CCPG1: variants seen among roughly 807,000 people sequenced by gnomAD.
The protein encoded by CCPG1 is cell cycle progression 1, also known as cell cycle progression protein 1.
A neutral mutation model predicts 81.3 loss-of-function variants in CCPG1; 46 were observed. The observed-to-expected ratio is 0.57, with a 90% CI of 0.45 to 0.72. The LOEUF is 0.72. Among genes scored for constraint, CCPG1 ranks in the 30% least tolerant of loss-of-function variants. The pLI is 0.00. For synonymous variants in CCPG1, 330 were observed against 305.2 expected, an observed-to-expected ratio of 1.08 and a Z score of -0.85; for missense variants, 902 against 937.6, an observed-to-expected ratio of 0.96 and a Z score of 0.50.
chr15:55,387,385 G>T (rs553867607), intron 2 of CCPG1, among the ~76,000 whole-genome samples: 1 of 152,210 alleles, frequency 6.6e-6, no homozygotes, highest in African/African-American at 2.4e-5. Context: ...AAAAGTCACT[G>T]AAGATTTTAA....
At chr15:55,405,590 G>T (rs2057203050) in intron 1 of CCPG1, among the ~76,000 whole-genome samples, 1 of 152,070 alleles carries the variant, frequency 6.6e-6, no homozygotes, top group South Asian at 2.1e-4. Context: ...TGTGCCTGTA[G>T]CCCCAGCTAT....
At position 55,359,871 on chromosome 15, in the gene CCPG1, A is replaced by G. The variant is rs1475708601; in HGVS notation, c.1902T>C (p.Asp634=). 1 of 1,613,856 alleles carries G rather than the reference A, an allele frequency of 6.2e-7. No individual in the cohort carries two copies. Among genetic ancestry groups the G allele is most frequent in the East Asian group, 2.2e-5 (1 of 44,854 alleles). ...SFRKACSGVF[D]CAQQESMSLF... is the part of the protein sequence containing the mutation. ...GGCTCATGGACTCTTGTTGAGCACA[A>G]TCAAATACACCAGAACAAGCCTTTC... Residue 634 remains aspartate, a synonymous_variant, in exon 8 of 9, where the codon GAT becomes GAC. Coordinates refer to ENST00000442196, the MANE Select transcript of CCPG1 (RefSeq NM_001204450.2).
chr15:55,401,951 C>T (rs1349357182), intron 1 of CCPG1, among the ~76,000 whole-genome samples: 1 of 152,102 alleles, frequency 6.6e-6, no homozygotes, highest in African/African-American at 2.4e-5. Context: ...AATGGACAAC[C>T]CTAACTCCAT....
chr15:55,359,799 C>T lies in CCPG1; in HGVS notation c.1974G>A (p.Gln658=), dbSNP rs1248848828. Residue 658 remains glutamine, a synonymous_variant, in exon 8 of 9, where the codon CAG becomes CAA. Transcript: ENST00000442196. ...VNPIRMDEFR[Q]IIQRYMLKEL... ...CTTTTAACATGTACCTTTGAATTATCTGTCTAAATTCATCCATCCTTATAG... is the reference window on the plus strand; with the variant it reads ...CTTTTAACATGTACCTTTGAATTATTTGTCTAAATTCATCCATCCTTATAG... The T allele has an allele frequency of 1.9e-6, 3 of 1,613,112 alleles. No homozygotes were observed. In the South Asian group the frequency reaches 3.3e-5, roughly 18 times the overall value.
intron 1 of CCPG1, among the ~76,000 whole-genome samples, chr15:55,394,982 TAGTC>T (rs2056988058): frequency 6.6e-6 from 1 of 152,126 alleles, no homozygotes; most frequent in South Asian, 2.1e-4. Flanking sequence ...CCTCTAATTT[TAGTC>T]AGTCAGAGAT....
At chr15:55,403,518 C>CTATA (rs2057163892) in intron 1 of CCPG1, among the ~76,000 whole-genome samples, 1 of 152,042 alleles carries the variant, frequency 6.6e-6, no homozygotes, top group Non-Finnish European at 1.5e-5. Context: ...AAAGAGGTTT[C>CTATA]CACACATTAA....
At chr15:55,358,697 T>C (rs2056131350) in intron 8 of CCPG1, 1 of 985,418 alleles carries the variant, frequency 1.0e-6, no homozygotes, top group Non-Finnish European at 1.2e-6. Context: ...CCATGCCCCA[T>C]ACCTTAATTT....
chr15:55,372,086 G>C, intron 5 of CCPG1, 42 bp from the exon 6 acceptor site: 1 of 1,577,538 alleles, frequency 6.3e-7, no homozygotes, highest in Non-Finnish European at 8.6e-7. Flanking sequence ...CAAAATCTTG[G>C]AAAAGCTTTC....
At chr15:55,376,289 T>C (rs1459707373) in intron 5 of CCPG1, among the ~76,000 whole-genome samples, 1 of 152,202 alleles carries the variant, frequency 6.6e-6, no homozygotes, top group Non-Finnish European at 1.5e-5. Context: ...TACATACTGC[T>C]AAAACTGAGC....
At chr15:55,379,543 G>A (rs1595844054) in intron 3 of CCPG1, among the ~76,000 whole-genome samples, 1 of 151,946 alleles carries the variant, frequency 6.6e-6, no homozygotes, top group African/African-American at 2.4e-5. Flanking sequence ...AAGTCAGAGA[G>A]AGGGCAGTCC....
At chr15:55,357,413 C>CAT (rs1387454468) in intron 8 of CCPG1, 9 of 985,380 alleles carry the variant, frequency 9.1e-6, no homozygotes, top group East Asian at 2.3e-4. Context: ...CTTCTAGCTT[C>CAT]ATACCTTTCC....
chr15:55,362,616 G>C (rs1278081236), intron 7 of CCPG1, among the ~76,000 whole-genome samples: 1 of 152,232 alleles, frequency 6.6e-6, no homozygotes, highest in South Asian at 2.1e-4. Context: ...TGAAAGAAGA[G>C]TACAGCATTC....
chr15:55,398,437 G>A (rs113817355), intron 1 of CCPG1, among the ~76,000 whole-genome samples: 2 of 152,216 alleles, frequency 1.3e-5, no homozygotes, highest in African/African-American at 2.4e-5. Context: ...AAAGATAAGC[G>A]AGTCAGTCTG....
chr15:55,391,371 T>A (rs2056910644), intron 1 of CCPG1, among the ~76,000 whole-genome samples: 1 of 152,170 alleles, frequency 6.6e-6, no homozygotes, highest in Non-Finnish European at 1.5e-5. Context: ...CCTCCTCAGC[T>A]TCCCAAAGCG....
chr15:55,377,469 T>C (rs536504785), intron 4 of CCPG1, among the ~76,000 whole-genome samples: 223 of 152,344 alleles, frequency 1.5e-3, no homozygotes, highest in African/African-American at 4.9e-3. Context: ...ATGGTTCTAT[T>C]CGAGCACAAC....
Position 55,359,764 on chromosome 15 carries a change from G to C in CCPG1, c.2009C>G (p.Thr670Ser). ...ATCAAGTTCGTTCCAGTGACAAAAA[G>C]TATCCAGTTCTTTTAACATGTACCT... ...IQRYMLKELD[T>S]FCHWNELDQF... The change falls in exon 8 of 9, where the codon ACT (threonine) becomes AGT (serine). Residue 670 changes from threonine (T) to serine (S), a missense_variant. Transcript: ENST00000442196. 6.2e-7 allele frequency: 1 copy of C among 1,613,362 alleles called. No individual in the cohort carries two copies. Among genetic ancestry groups the C allele is most frequent in the Non-Finnish European group, 8.5e-7 (1 of 1,179,900 alleles).
chr15:55,391,887 A>AAG (rs1555409781), intron 1 of CCPG1, among the ~76,000 whole-genome samples: 840 of 44,368 alleles, frequency 0.019, 11 homozygotes, highest in East Asian at 0.071. Context: ...AAAAAAAAAA[A>AAG]GGGGGGGGGG....
chr15:55,358,138 A>C (rs918317390), intron 8 of CCPG1: 1 of 155,268 alleles, frequency 6.4e-6, no homozygotes, highest in African/African-American at 2.4e-5. Context: ...GGATATGCCA[A>C]AGAGAAGCTA....
At chr15:55,394,931 G>A (rs1363791502) in intron 1 of CCPG1, among the ~76,000 whole-genome samples, 1 of 151,996 alleles carries the variant, frequency 6.6e-6, no homozygotes, top group Non-Finnish European at 1.5e-5. Flanking sequence ...TCTAATTCCT[G>A]TTTGCCCACA....
Sources: allele counts gnomAD v4.1 joint callset (sites outside exome capture counted in the v4.1 genomes callset), GRCh38; gene constraint gnomAD v4.1.1; transcripts MANE v1.5; gene names NCBI Gene and HGNC (gene_info 2026-07-23, HGNC 2026-07-21).